Variants in SLC7A13 observed in about 807,000 individuals in gnomAD.
SLC7A13 encodes solute carrier family 7 member 13.
Under a neutral mutation model 32.0 loss-of-function variants are expected in SLC7A13, and 31 were observed. That is an observed-to-expected ratio of 0.97 (90% CI 0.73 to 1.31). The LOEUF is 1.31. Ranked by LOEUF, SLC7A13 falls within the 50% of genes most tolerant of loss-of-function variation. The probability of loss-of-function intolerance (pLI) is 0.00; values close to 1 mark genes in which losing one functional copy is unlikely to be tolerated. For missense variants in SLC7A13, 633 were observed against 546.9 expected, an observed-to-expected ratio of 1.16 and a Z score of -1.57; for synonymous variants, 232 against 206.9, an observed-to-expected ratio of 1.12 and a Z score of -1.04.
chr8:86,229,451 G>T (rs1027426049), intron 1 of SLC7A13, 142 bp downstream of exon 1: 4 of 784,014 alleles, frequency 5.1e-6, no homozygotes, highest in Non-Finnish European at 8.0e-6. Context: ...CAAGTGCCAG[G>T]CTGGCATGAT....
rs1490914797 is a variant in SLC7A13 at position 86,214,655 on chromosome 8, AGC to A, written c.1180-11_1180-10del. On this transcript the variant is annotated splice_polypyrimidine_tract_variant and intron_variant, in intron 3 of 3. Transcript: ENST00000297524. The stretch of plus-strand genomic sequence containing the variant: ...GGAAATGACAAAAACACCTGAAAAG[AGC>A]AAAGTTTGAAAAAATATTGGATATG... 6.3e-6 allele frequency: 10 copies of A among 1,590,996 alleles called. No homozygotes were observed. In the Admixed American group the frequency reaches 7.2e-5, roughly 11 times the overall value.
chr8:86,227,683 C>T lies in SLC7A13; in HGVS notation c.685+1910G>A, dbSNP rs528830215. On this transcript the variant is annotated intron_variant, in intron 1 of 3. Coordinates refer to ENST00000297524, the MANE Select transcript of SLC7A13 (RefSeq NM_138817.3). ...TTCACAATAGCAGTCATGGAATCAA[C>T]CTAAGTGTCCATCAATGCATGACTG... Among the ~76,000 whole-genome samples the T allele has an allele frequency of 2.0e-5, 3 of 152,284 alleles. No homozygotes were observed. The South Asian group carries it at 6.2e-4, about 32-fold the overall frequency.
intron 2 of SLC7A13, among the ~76,000 whole-genome samples, chr8:86,219,151 C>A (rs1279331425): frequency 6.6e-6 from 1 of 152,106 alleles, no homozygotes; most frequent in Non-Finnish European, 1.5e-5. Context: ...TATTGTTCTT[C>A]TCAGGAAGAT....
chr8:86,229,494 A>T lies in SLC7A13; in HGVS notation c.685+99T>A. On this transcript the variant is annotated intron_variant, in intron 1 of 3. Coordinates refer to ENST00000297524, the MANE Select transcript of SLC7A13 (RefSeq NM_138817.3). ...AGAAAGTCACAAAGAAGAAAGAAACATTAAATCATTTAAGACTCAAAATAC... is the reference window on the plus strand; with the variant it reads ...AGAAAGTCACAAAGAAGAAAGAAACTTTAAATCATTTAAGACTCAAAATAC... 7 of 1,126,620 alleles carry T rather than the reference A, an allele frequency of 6.2e-6. No individual in the cohort carries two copies. The South Asian group carries it at 1.1e-4, about 18-fold the overall frequency. The allele number at this position is 1,126,620 out of a possible 1,614,324, so 69.8% of individuals were successfully genotyped here.
At chr8:86,223,246 A>T in intron 1 of SLC7A13, 143 bp from the exon 2 acceptor site, 1 of 772,316 alleles carries the variant, frequency 1.3e-6, no homozygotes, top group Non-Finnish European at 1.9e-6. Context: ...GTGGTGGTCA[A>T]ATCAGAGTTT....
intron 1 of SLC7A13, among the ~76,000 whole-genome samples, chr8:86,223,639 T>C (rs560767519): frequency 6.6e-6 from 1 of 152,152 alleles, no homozygotes; most frequent in East Asian, 1.9e-4. Flanking sequence ...TGGATCAAAT[T>C]GTAGTTCTAT....
chr8:86,228,266 G>T (rs890422624), intron 1 of SLC7A13, among the ~76,000 whole-genome samples: 1 of 152,106 alleles, frequency 6.6e-6, no homozygotes, highest in African/African-American at 2.4e-5. Flanking sequence ...TTCCTGTTTC[G>T]GGTGTCCAGG....
rs762718701 is a variant in SLC7A13 at position 86,217,849 on chromosome 8, T to C, written c.818-18A>G. 1 of 1,505,518 alleles carries C rather than the reference T, an allele frequency of 6.6e-7. No individual in the cohort carries two copies. 93.3% of individuals were successfully genotyped at this position (1,505,518 alleles called of 1,614,324 possible). ...TACAGCATCTGCAGAAAAACAAAAATACACAAAAGAAAATGTGTTAAAAGA... is the reference window on the plus strand; with the variant it reads ...TACAGCATCTGCAGAAAAACAAAAACACACAAAAGAAAATGTGTTAAAAGA... On this transcript the variant is annotated intron_variant, in intron 2 of 3. Coordinates refer to ENST00000297524, the MANE Select transcript of SLC7A13 (RefSeq NM_138817.3).
intron 1 of SLC7A13, 41 bp from the exon 2 acceptor site, chr8:86,223,144 T>C (rs953396474): frequency 1.3e-6 from 2 of 1,519,514 alleles, no homozygotes; most frequent in Non-Finnish European, 1.8e-6. Flanking sequence ...TGGTAAACAT[T>C]ATTTCTAAAA....
In SLC7A13 at chr8:86,229,928, T is replaced by C. The variant is rs1371683507; in HGVS notation, c.350A>G (p.Glu117Gly). 1.9e-6 allele frequency: 3 copies of C among 1,614,156 alleles called. No individual in the cohort carries two copies. Among genetic ancestry groups the C allele is most frequent in the African/African-American group, 1.3e-5 (1 of 75,058 alleles). ...GGGAAAAAAAGGCTGGATGCTGTAC[T>C]CAGCAAGGAGCAGAGCTTGGCCAGC... ...VVAGQALLLA[E>G]YSIQPFFPSC... Residue 117 changes from glutamate (E) to glycine (G), a missense_variant, in exon 1 of 4, where the codon GAG (glutamate) becomes GGG (glycine). By Grantham distance (98) the Glu-to-Gly change is moderately conservative. Coordinates refer to ENST00000297524, the MANE Select transcript of SLC7A13 (RefSeq NM_138817.3).
At chr8:86,217,935 T>G in intron 2 of SLC7A13, 104 bp from the exon 3 acceptor site, 1 of 1,214,766 alleles carries the variant, frequency 8.2e-7, no homozygotes, top group Non-Finnish European at 1.1e-6. Flanking sequence ...CTTAAGTAAT[T>G]AATAACATTT....
chr8:86,215,636 A>G lies in SLC7A13; in HGVS notation c.1180-990T>C, dbSNP rs1357906293. On this transcript the variant is annotated intron_variant, in intron 3 of 3. Transcript: ENST00000297524. ...AGGAAGCAGAGGTTGCAGCAAGCCA[A>G]GATCATGCCACTGCACTCCAGCTTC... is the stretch of plus-strand genomic sequence containing the variant. The G allele has an allele frequency of 9.3e-6, 4 of 432,240 alleles. No individual in the cohort carries two copies. In the East Asian group the frequency reaches 2.4e-4, roughly 26 times the overall value. The allele number at this position is 432,240 out of a possible 1,614,324, so 26.8% of individuals were successfully genotyped here. A position where few individuals can be genotyped will look rare whatever the true frequency, so the allele number is the denominator to read the frequency against.
rs143338078 is a variant in SLC7A13 at position 86,229,990 on chromosome 8, A to C, written c.288T>G (p.Asn96Lys). Residue 96 changes from asparagine to lysine, a missense_variant, in exon 1 of 4, where the codon AAT (asparagine) becomes AAG (lysine). Coordinates refer to ENST00000297524, the MANE Select transcript of SLC7A13 (RefSeq NM_138817.3). ...ACCCCAGAAACAAGGATGTCCAGAG[A>C]TTCAAAAAAGCAACCGTGGAGCCAA... ...RYFGSTVAFLNLWTSLFLGSG... is the reference protein window; with the variant it reads ...RYFGSTVAFLKLWTSLFLGSG... The C allele has an allele frequency of 1.1e-4, 182 of 1,614,182 alleles. No homozygotes were observed. The African/African-American group carries it at 2.2e-3, about 20-fold the overall frequency.
rs776880618 is a variant in SLC7A13 at position 86,229,780 on chromosome 8, C to G, written c.498G>C (p.Leu166=). The change falls in exon 1 of 4, where the codon CTG becomes CTC. Residue 166 remains leucine (L), a synonymous_variant. Transcript: ENST00000297524. ...VTWLQIASSV[L]KVSILSFISL... ...AAATGAAGCTAAGTATGGACACTTT[C>G]AGCACTGAGCTAGCTATCTGAAGCC... is the stretch of plus-strand genomic sequence containing the variant. The G allele has an allele frequency of 1.9e-6, 3 of 1,614,080 alleles. No individual in the cohort carries two copies. Among genetic ancestry groups the G allele is most frequent in the Non-Finnish European group, 2.5e-6 (3 of 1,180,048 alleles).
chr8:86,227,313 A>G (rs932473456), intron 1 of SLC7A13, among the ~76,000 whole-genome samples: 1 of 152,170 alleles, frequency 6.6e-6, no homozygotes, highest in South Asian at 2.1e-4. Flanking sequence ...AAGGAAAAGA[A>G]CTGATTTTTT....
chr8:86,224,328 C>G (rs981586439), intron 1 of SLC7A13, among the ~76,000 whole-genome samples: 4 of 152,128 alleles, frequency 2.6e-5, no homozygotes, highest in African/African-American at 9.7e-5. Context: ...CTAGTTGACC[C>G]TACCCTTCCT....
In SLC7A13 at chr8:86,217,835, C is replaced by A; in HGVS notation, c.818-4G>T. 11 of 1,489,846 alleles carry A rather than the reference C, an allele frequency of 7.4e-6. No individual in the cohort carries two copies. The Admixed American group carries it at 7.5e-5, about 10-fold the overall frequency. 92.3% of individuals were successfully genotyped at this position (1,489,846 alleles called of 1,614,324 possible). A position where few individuals can be genotyped will look rare whatever the true frequency, so the allele number is the denominator to read the frequency against. ...GCCCATGTGATAGCTACAGCATCTG[C>A]AGAAAAACAAAAATACACAAAAGAA... is the stretch of plus-strand genomic sequence containing the variant. On this transcript the variant is annotated splice_region_variant and splice_polypyrimidine_tract_variant and intron_variant, in intron 2 of 3. Coordinates refer to ENST00000297524, the MANE Select transcript of SLC7A13 (RefSeq NM_138817.3).
At position 86,230,177 on chromosome 8, in the gene SLC7A13, G is replaced by C. The variant is rs144691522; in HGVS notation, c.101C>G (p.Ser34Cys). 2 of 1,614,040 alleles carry C rather than the reference G, an allele frequency of 1.2e-6. No homozygotes were observed. The highest frequency in any genetic ancestry group is 1.7e-5 in the Admixed American group (1 of 59,984). ...INIIGAGIFV[S>C]PKGVLAYSCM... ...AGAGTATGCCAACACACCTTTGGGG[G>C]ACACAAAAATTCCTGCACCAATGAT... is the stretch of plus-strand genomic sequence containing the variant. The change falls in exon 1 of 4, where the codon TCC (serine) becomes TGC (cysteine). Residue 34 changes from serine to cysteine, a missense_variant. Ser to Cys is a moderately radical substitution (Grantham distance 112). Transcript: ENST00000297524.
intron 1 of SLC7A13, among the ~76,000 whole-genome samples, chr8:86,223,952 TA>T (rs755088535): frequency 1.1e-4 from 16 of 152,124 alleles, no homozygotes; most frequent in Non-Finnish European, 1.9e-4. Flanking sequence ...TCGGAGCCCA[TA>T]AGTCCTGTAC....
Sources: gnomAD v4.1 joint callset for allele counts (sites outside exome capture counted in the v4.1 genomes callset) on GRCh38, gnomAD v4.1.1 for gene constraint, MANE v1.5 for transcripts, NCBI Gene and HGNC (gene_info 2026-07-23, HGNC 2026-07-21) for gene names.